Variants in RAB30 observed in about 807,000 individuals in gnomAD.
RAB30 encodes the protein ras-related protein Rab-30.
RAB30 carries 9 observed loss-of-function variants against 25.1 expected under a neutral mutation model. The observed-to-expected ratio is 0.36, with a 90% CI of 0.22 to 0.63. The LOEUF (loss-of-function observed/expected upper bound fraction) is 0.63. Among genes scored for constraint, RAB30 ranks in the 20% least tolerant of loss-of-function variants. The pLI, the probability that RAB30 is intolerant of heterozygous loss-of-function variation, is 0.69. For missense variants in RAB30, 140 were observed against 243.5 expected (o/e 0.58, Z 2.83); for synonymous variants, 77 against 86.4 (o/e 0.89, Z 0.60).
At chr11:82,996,692 AT>A (rs556698417) in intron 2 of RAB30, among the ~76,000 whole-genome samples, 41 of 152,374 alleles carry the variant, frequency 2.7e-4, no homozygotes, top group African/African-American at 9.1e-4. Flanking sequence ...TTCAGTTCAG[AT>A]AATTCTTCAC....
At chr11:83,053,593 A>G (rs1296426609) in intron 1 of RAB30, among the ~76,000 whole-genome samples, 1 of 151,086 alleles carries the variant, frequency 6.6e-6, no homozygotes, top group South Asian at 2.1e-4. Flanking sequence ...TCTCTTACTA[A>G]TCTGCTCTAT....
chr11:83,027,100 T>C (rs1180678004), intron 1 of RAB30, among the ~76,000 whole-genome samples: 1 of 152,162 alleles, frequency 6.6e-6, no homozygotes, highest in East Asian at 1.9e-4. Flanking sequence ...GGCCTGTCTC[T>C]GGGGAGCACA....
At chr11:83,043,590 G>A (rs568887555) in intron 1 of RAB30, among the ~76,000 whole-genome samples, 1 of 152,232 alleles carries the variant, frequency 6.6e-6, no homozygotes, top group South Asian at 2.1e-4. Context: ...TTACACTTAG[G>A]AGAATACTGA....
In RAB30 at chr11:82,975,071, G is replaced by T. The variant is rs950823327; in HGVS notation, c.*7094C>A. 6.6e-6 allele frequency: 1 copy of T among 151,408 alleles called. No individual in the cohort carries two copies. Among genetic ancestry groups the T allele is most frequent in the African/African-American group, 2.4e-5 (1 of 41,202 alleles). The allele number at this position is 151,408 out of a possible 1,614,324, so 9.4% of individuals were successfully genotyped here. On this transcript the variant is annotated 3_prime_UTR_variant, in exon 5 of 5. Transcript: ENST00000527633. ...TCTGGTATGTCTGGAAGACACTTCA[G>T]TGAGTAGAAATTAGAAGCCAGCATT...
intron 1 of RAB30, among the ~76,000 whole-genome samples, chr11:83,062,689 C>T (rs1374631648): frequency 6.6e-6 from 1 of 152,082 alleles, no homozygotes; most frequent in Non-Finnish European, 1.5e-5. Flanking sequence ...CACAATAATC[C>T]CCATTTTATA....
rs142403328 is a variant in RAB30 at position 82,999,344 on chromosome 11, C to T, written c.-8-2020G>A. On this transcript the variant is annotated intron_variant, in intron 1 of 4. Coordinates refer to ENST00000527633, the MANE Select transcript of RAB30 (RefSeq NM_001286060.2). Reference sequence around the variant, plus strand: ...ATCATAAAAAATGGAGCCAGAGAGACCAAGGTTCATACCCTGGCTGCACTG... The same window carrying T: ...ATCATAAAAAATGGAGCCAGAGAGATCAAGGTTCATACCCTGGCTGCACTG... Among the ~76,000 whole-genome samples the T allele has an allele frequency of 7.1e-4, 108 of 152,288 alleles. 1 individual carries two copies. The highest frequency in any genetic ancestry group is 2.5e-3 in the African/African-American group (105 of 41,552).
chr11:83,006,442 A>G (rs1221207848), intron 1 of RAB30, among the ~76,000 whole-genome samples: 1 of 152,248 alleles, frequency 6.6e-6, no homozygotes, highest in Non-Finnish European at 1.5e-5. Context: ...GTGTGTTTAC[A>G]GTATGAAGAA....
chr11:82,982,327 C>T lies in RAB30; in HGVS notation c.450G>A (p.Glu150=). ...FSEAQDMYYL[E]TSAKESDNVE... ...CATTATCAGATTCCTTGGCTGAGGT[C>T]TCCAGATAATACATGTCCTGAGCTT... The change falls in exon 5 of 5, where the codon GAG becomes GAA. Residue 150 remains glutamate (E), a synonymous_variant. Coordinates refer to ENST00000527633, the MANE Select transcript of RAB30 (RefSeq NM_001286060.2). The T allele has an allele frequency of 6.2e-7, 1 of 1,614,184 alleles. No homozygotes were observed. The highest frequency in any genetic ancestry group is 2.2e-5 in the East Asian group (1 of 44,886).
At chr11:83,048,181 A>G (rs1228932288) in intron 1 of RAB30, among the ~76,000 whole-genome samples, 1 of 152,098 alleles carries the variant, frequency 6.6e-6, no homozygotes, top group East Asian at 1.9e-4. Context: ...CCTGCTCTAG[A>G]TATGCTGGCC....
rs1175360509 is a variant in RAB30, at chr11:82,977,139, G to T, written c.*5026C>A. On this transcript the variant is annotated 3_prime_UTR_variant, in exon 5 of 5. Coordinates refer to ENST00000527633, the MANE Select transcript of RAB30 (RefSeq NM_001286060.2). ...CCCATTATTTATTAAACAGAGCAAG[G>T]CCTATGTTTAGCAAGTGATAAATGA... The T allele has an allele frequency of 1.3e-5, 2 of 152,110 alleles. No homozygotes were observed. Among genetic ancestry groups the T allele is most frequent in the Admixed American group, 6.5e-5 (1 of 15,274 alleles). 9.4% of individuals were successfully genotyped at this position (152,110 alleles called of 1,614,324 possible). A position where few individuals can be genotyped will look rare whatever the true frequency, so the allele number is the denominator to read the frequency against.
At chr11:83,014,198 G>A (rs962298309) in intron 1 of RAB30, among the ~76,000 whole-genome samples, 20 of 152,208 alleles carry the variant, frequency 1.3e-4, no homozygotes, top group Admixed American at 2.6e-4. Flanking sequence ...GAAAAGACTG[G>A]ATAGCTGTCA....
chr11:83,023,062 A>G, intron 1 of RAB30, among the ~76,000 whole-genome samples: 1 of 152,188 alleles, frequency 6.6e-6, no homozygotes, highest in East Asian at 1.9e-4. Context: ...GTTGGTGGGT[A>G]TTTGGGTGTT....
chr11:83,023,287 T>TC (rs1399846808), intron 1 of RAB30, among the ~76,000 whole-genome samples: 4 of 152,072 alleles, frequency 2.6e-5, no homozygotes, highest in Non-Finnish European at 5.9e-5. Flanking sequence ...TGTCACAATC[T>TC]CCCCATAAAA....
chr11:83,006,447 G>A (rs996262643), intron 1 of RAB30, among the ~76,000 whole-genome samples: 3 of 152,190 alleles, frequency 2.0e-5, no homozygotes, highest in African/African-American at 4.8e-5. Flanking sequence ...TTTACAGTAT[G>A]AAGAAAGGGC....
At chr11:82,997,498 AC>A (rs1238544481) in intron 1 of RAB30, 174 bp from the exon 2 acceptor site, 2 of 580,136 alleles carry the variant, frequency 3.4e-6, no homozygotes, top group African/African-American at 1.9e-5. Context: ...TTGGTCACAG[AC>A]GGACTTTATT....
chr11:83,063,766 C>T (rs549972311), intron 1 of RAB30, among the ~76,000 whole-genome samples: 12 of 152,306 alleles, frequency 7.9e-5, no homozygotes, highest in Non-Finnish European at 1.2e-4. Context: ...TGCCCTTGGA[C>T]TCAGCATTTC....
At chr11:83,071,158 C>A (rs139544198) in intron 1 of RAB30, among the ~76,000 whole-genome samples, 1 of 152,238 alleles carries the variant, frequency 6.6e-6, no homozygotes, top group Admixed American at 6.5e-5. Context: ...AAAGGCGAGA[C>A]AAACCACATA....
At chr11:83,006,506 GAC>G (rs1268227455) in intron 1 of RAB30, among the ~76,000 whole-genome samples, 1 of 152,142 alleles carries the variant, frequency 6.6e-6, no homozygotes, top group Non-Finnish European at 1.5e-5. Context: ...TTTTTGGAAT[GAC>G]ACAAAAGAAA....
chr11:83,055,169 G>A (rs1858432786), intron 1 of RAB30, among the ~76,000 whole-genome samples: 1 of 152,166 alleles, frequency 6.6e-6, no homozygotes, highest in African/African-American at 2.4e-5. Context: ...GCTATTAATA[G>A]CTCCAAAGTT....
Sources: gnomAD v4.1 joint callset for allele counts (sites outside exome capture counted in the v4.1 genomes callset) on GRCh38, gnomAD v4.1.1 for gene constraint, MANE v1.5 for transcripts, NCBI Gene and HGNC (gene_info 2026-07-23, HGNC 2026-07-21) for gene names.